CDH12: variants seen among roughly 807,000 people sequenced by gnomAD.
CDH12 encodes cadherin-12.
Under a neutral mutation model 74.1 loss-of-function variants are expected in CDH12, and 41 were observed. The ratio of observed to expected loss-of-function variants is 0.55; its 90% CI spans 0.43 to 0.72. CDH12 has a LOEUF of 0.72. Ranked by LOEUF, CDH12 falls within the 30% of genes least tolerant of loss-of-function variation. The pLI is 0.00. For missense variants in CDH12, 945 were observed against 977.2 expected (o/e 0.97, Z 0.44); for synonymous variants, 399 against 355.0 (o/e 1.12, Z -1.39).
rs1045292328 is a variant in CDH12, at chr5:22,072,575, TTTA to T, written c.231+5868_231+5870del. On this transcript the variant is annotated intron_variant, in intron 5 of 14. Transcript: ENST00000382254. The stretch of plus-strand genomic sequence containing the variant: ...GTGTGTGTGTGTGTGTGTTTAGGCT[TTTA>T]TTATTATTATTATACTTTAAGTTAT... 2.0e-4 allele frequency among the ~76,000 whole-genome samples: 30 copies of T among 150,984 alleles called. No individual in the cohort carries two copies. In the South Asian group the frequency reaches 2.1e-3, roughly 11 times the overall value.
intron 7 of CDH12, among the ~76,000 whole-genome samples, chr5:21,848,020 A>G (rs1162867016): frequency 1.3e-5 from 2 of 152,124 alleles, no homozygotes; most frequent in Non-Finnish European, 2.9e-5. Flanking sequence ...TAAAATAAAT[A>G]AAGTAGTGCA....
intron 1 of CDH12, among the ~76,000 whole-genome samples, chr5:22,664,908 T>C (rs149383958): frequency 2.0e-5 from 3 of 152,348 alleles, no homozygotes; most frequent in East Asian, 1.9e-4. Context: ...CTCTGCTACA[T>C]TGAAATGCCA....
At chr5:22,375,280 C>T (rs2126359597) in intron 3 of CDH12, among the ~76,000 whole-genome samples, 1 of 152,190 alleles carries the variant, frequency 6.6e-6, no homozygotes, top group Non-Finnish European at 1.5e-5. Flanking sequence ...TCTCCCCATA[C>T]ATAAAATTCA....
At chr5:22,718,276 C>T (rs145813470) in intron 1 of CDH12, among the ~76,000 whole-genome samples, 1 of 152,302 alleles carries the variant, frequency 6.6e-6, no homozygotes, top group East Asian at 1.9e-4. Context: ...AAAAATCATA[C>T]TACTCTTTCC....
intron 1 of CDH12, among the ~76,000 whole-genome samples, chr5:22,609,857 G>C (rs1737306827): frequency 6.6e-6 from 1 of 152,214 alleles, no homozygotes; most frequent in African/African-American, 2.4e-5. Context: ...GTCAAATAAA[G>C]TAGCAAAATT....
At chr5:22,381,327 A>G (rs1490125365) in intron 3 of CDH12, among the ~76,000 whole-genome samples, 2 of 152,030 alleles carry the variant, frequency 1.3e-5, no homozygotes, top group African/African-American at 4.8e-5. Context: ...AAAATCTCAA[A>G]AGTGTCAATA....
Position 22,563,770 on chromosome 5 carries a change from G to A in CDH12, c.-522-58406C>T, listed in dbSNP as rs140125137. 5.3e-5 allele frequency among the ~76,000 whole-genome samples: 8 copies of A among 152,264 alleles called. 1 individual carries two copies. In the South Asian group the frequency reaches 6.2e-4, roughly 12 times the overall value. On this transcript the variant is annotated intron_variant, in intron 1 of 14. Transcript: ENST00000382254. ...TTCAACATGGCTGGGGAGGCCCCACGATCATGGTGTAAGGCAAGGAGGAGC... is the reference window on the plus strand; with the variant it reads ...TTCAACATGGCTGGGGAGGCCCCACAATCATGGTGTAAGGCAAGGAGGAGC...
chr5:22,655,415 C>T lies in CDH12; in HGVS notation c.-522-150051G>A, dbSNP rs1739981743. 2.6e-5 allele frequency among the ~76,000 whole-genome samples: 4 copies of T among 152,148 alleles called. No homozygotes were observed. The South Asian group carries it at 8.3e-4, about 32-fold the overall frequency. ...AAAAAATCAAATACACTTAGCATAG[C>T]ACTCAAAATATTCATTATTTAATAC... On this transcript the variant is annotated intron_variant, in intron 1 of 14. Transcript: ENST00000382254.
intron 5 of CDH12, among the ~76,000 whole-genome samples, chr5:21,980,946 T>G (rs1757278501): frequency 6.6e-6 from 1 of 152,192 alleles, no homozygotes. Flanking sequence ...ATTAAATTGC[T>G]AAATATCATA....
intron 3 of CDH12, among the ~76,000 whole-genome samples, chr5:22,296,782 A>G (rs1737641900): frequency 6.6e-6 from 1 of 152,150 alleles, no homozygotes; most frequent in Admixed American, 6.5e-5. Context: ...TTTCAGTAAA[A>G]CCTTTCTAAG....
intron 5 of CDH12, among the ~76,000 whole-genome samples, chr5:22,049,934 T>TTTTA (rs532249212): frequency 6.6e-6 from 1 of 152,172 alleles, no homozygotes; most frequent in African/African-American, 2.4e-5. Flanking sequence ...ATTTCCATCC[T>TTTTA]TTTATTTAAA....
intron 2 of CDH12, among the ~76,000 whole-genome samples, chr5:22,477,684 T>C (rs1746220760): frequency 6.6e-6 from 1 of 152,160 alleles, no homozygotes; most frequent in Admixed American, 6.6e-5. Flanking sequence ...ATGGCCCTAC[T>C]CTTCATACAG....
At chr5:22,600,931 C>G (rs1736828267) in intron 1 of CDH12, among the ~76,000 whole-genome samples, 1 of 151,950 alleles carries the variant, frequency 6.6e-6, no homozygotes, top group Non-Finnish European at 1.5e-5. Flanking sequence ...TAAAATAAAG[C>G]ATGTAGAACT....
At chr5:22,288,575 A>AATAAGTTAGTGACTAATCTATGTG (rs1285467829) in intron 3 of CDH12, among the ~76,000 whole-genome samples, 1 of 152,208 alleles carries the variant, frequency 6.6e-6, no homozygotes, top group East Asian at 1.9e-4. Context: ...ACAGAAGAAG[A>AATAAGTTAGTGACTAATCTATGTG]ATAAGTTAGT....
At chr5:22,798,831 C>T (rs188411651) in intron 1 of CDH12, among the ~76,000 whole-genome samples, 3 of 152,092 alleles carry the variant, frequency 2.0e-5, no homozygotes, top group East Asian at 1.9e-4. Flanking sequence ...CAAACTGTCT[C>T]CATCAGGTAT....
At chr5:22,499,070 A>ATTT (rs545083272) in intron 2 of CDH12, among the ~76,000 whole-genome samples, 79 of 140,632 alleles carry the variant, frequency 5.6e-4, no homozygotes, top group African/African-American at 1.9e-3. Context: ...TACCCGGCTA[A>ATTT]TTTTTTTTTT....
intron 2 of CDH12, among the ~76,000 whole-genome samples, chr5:22,453,690 A>C (rs550077055): frequency 6.6e-6 from 1 of 152,272 alleles, no homozygotes; most frequent in East Asian, 1.9e-4. Flanking sequence ...ATAGTGAAAA[A>C]TAATTTACTG....
At chr5:22,436,937 A>G (rs1311168344) in intron 2 of CDH12, among the ~76,000 whole-genome samples, 2 of 152,160 alleles carry the variant, frequency 1.3e-5, no homozygotes, top group African/African-American at 2.4e-5. Context: ...AAATACAAAC[A>G]TGTATAAATA....
chr5:22,502,312 C>T (rs1736205267), intron 2 of CDH12, among the ~76,000 whole-genome samples: 1 of 152,038 alleles, frequency 6.6e-6, no homozygotes, highest in Admixed American at 6.6e-5. Context: ...TTGCCTGCTG[C>T]CATGTAAGAT....
Sources: allele counts gnomAD v4.1 joint callset (sites outside exome capture counted in the v4.1 genomes callset), GRCh38; gene constraint gnomAD v4.1.1; transcripts MANE v1.5; gene names NCBI Gene and HGNC (gene_info 2026-07-23, HGNC 2026-07-21).